The following DENND5B variants were observed in gnomAD, a reference collection of about 807,000 sequenced individuals.
DENND5B encodes the protein DENN domain containing 5B.
In DENND5B, 34 loss-of-function variants were observed where a neutral mutation model predicts 140.6. The observed-to-expected ratio is 0.24, with a 90% CI of 0.18 to 0.32. The LOEUF is 0.32. DENND5B is among the 10% of genes least tolerant of loss of function. The probability of loss-of-function intolerance (pLI) is 1.00; values close to 1 mark genes in which losing one functional copy is unlikely to be tolerated. For missense variants in DENND5B, 1,142 were observed against 1,560.2 expected, an observed-to-expected ratio of 0.73 and a Z score of 4.52; for synonymous variants, 551 against 562.1, an observed-to-expected ratio of 0.98 and a Z score of 0.28.
chr12:31,383,989 T>A lies in DENND5B; in HGVS notation c.*3614A>T, dbSNP rs1000694369. The A allele has an allele frequency of 3.9e-5, 6 of 152,220 alleles. No homozygotes were observed. The highest frequency in any genetic ancestry group is 1.3e-4 in the Admixed American group (2 of 15,268). 9.4% of individuals were successfully genotyped at this position (152,220 alleles called of 1,614,324 possible). A position where few individuals can be genotyped will look rare whatever the true frequency, so the allele number is the denominator to read the frequency against. ...AAAACAAATTAAATATTGATTTTTT[T>A]ATTTACTTTGAGATGTAATCCTAAA... On this transcript the variant is annotated 3_prime_UTR_variant, in exon 21 of 21. Transcript: ENST00000389082.
chr12:31,549,035 A>G (rs1190759824), intron 1 of DENND5B, among the ~76,000 whole-genome samples: 1 of 152,130 alleles, frequency 6.6e-6, no homozygotes, highest in East Asian at 1.9e-4. Context: ...AGCTCGGGGT[A>G]CAGGCACCTG....
intron 7 of DENND5B, among the ~76,000 whole-genome samples, chr12:31,439,704 C>A (rs569063282): frequency 6.6e-6 from 1 of 151,802 alleles, no homozygotes; most frequent in Non-Finnish European, 1.5e-5. Context: ...CCGAGGTGGG[C>A]GGATAACCTG....
At chr12:31,532,964 A>T (rs1377248618) in intron 1 of DENND5B, among the ~76,000 whole-genome samples, 1 of 152,184 alleles carries the variant, frequency 6.6e-6, no homozygotes, top group African/African-American at 2.4e-5. Flanking sequence ...AACAAGTCAC[A>T]ATTTGTAGGC....
At chr12:31,545,780 C>A (rs1948833412) in intron 1 of DENND5B, among the ~76,000 whole-genome samples, 1 of 151,510 alleles carries the variant, frequency 6.6e-6, no homozygotes, top group South Asian at 2.1e-4. Context: ...ACAGTGAAAC[C>A]CATGTCTACA....
chr12:31,424,084 A>T (rs945725047), intron 10 of DENND5B, among the ~76,000 whole-genome samples: 1 of 152,204 alleles, frequency 6.6e-6, no homozygotes, highest in African/African-American at 2.4e-5. Flanking sequence ...TGGCGATAAG[A>T]GAAAAAAATC....
At chr12:31,563,764 A>G (rs1949547190) in intron 1 of DENND5B, among the ~76,000 whole-genome samples, 1 of 152,230 alleles carries the variant, frequency 6.6e-6, no homozygotes, top group African/African-American at 2.4e-5. Context: ...GCCTTTTGCA[A>G]ATAAAAAAAT....
At chr12:31,463,502 AGAT>A (rs1945116461) in intron 3 of DENND5B, among the ~76,000 whole-genome samples, 1 of 152,224 alleles carries the variant, frequency 6.6e-6, no homozygotes. Flanking sequence ...TTGAACGAAT[AGAT>A]GATGATGGGA....
chr12:31,563,593 A>G (rs1949543752), intron 1 of DENND5B, among the ~76,000 whole-genome samples: 2 of 152,324 alleles, frequency 1.3e-5, no homozygotes, highest in Middle Eastern at 6.8e-3. Flanking sequence ...AGTTTGTAAG[A>G]CCAATTTTCA....
intron 6 of DENND5B, 70 bp from the exon 7 acceptor site, chr12:31,442,995 C>T (rs1944105908): frequency 2.1e-6 from 3 of 1,400,014 alleles, no homozygotes; most frequent in Non-Finnish European, 2.9e-6. Context: ...GCTTCCTCCA[C>T]TCATGCACCT....
intron 1 of DENND5B, among the ~76,000 whole-genome samples, chr12:31,581,916 G>A (rs565316654): frequency 1.1e-3 from 173 of 152,164 alleles, no homozygotes; most frequent in African/African-American, 4.0e-3. Context: ...ACATTCTCCC[G>A]TACACTTTAA....
chr12:31,487,325 T>G (rs1219349334), intron 2 of DENND5B, among the ~76,000 whole-genome samples: 2 of 152,204 alleles, frequency 1.3e-5, no homozygotes, highest in Non-Finnish European at 2.9e-5. Flanking sequence ...TATGGCAGAA[T>G]CTTTTAATAA....
intron 1 of DENND5B, among the ~76,000 whole-genome samples, chr12:31,522,167 T>G (rs1947918545): frequency 6.6e-6 from 1 of 152,200 alleles, no homozygotes; most frequent in African/African-American, 2.4e-5. Context: ...ACATTCTCAG[T>G]GAAAATTTCC....
intron 1 of DENND5B, among the ~76,000 whole-genome samples, chr12:31,510,041 GCAGTT>G (rs1947350873): frequency 6.6e-6 from 1 of 152,152 alleles, no homozygotes; most frequent in South Asian, 2.1e-4. Flanking sequence ...CAAATGACGT[GCAGTT>G]CCCTTTTAAG....
At chr12:31,522,628 G>A (rs998654913) in intron 1 of DENND5B, among the ~76,000 whole-genome samples, 4 of 152,004 alleles carry the variant, frequency 2.6e-5, no homozygotes, top group Non-Finnish European at 2.9e-5. Context: ...ATTTTTTGTC[G>A]AGATGAGGTT....
chr12:31,507,570 A>G (rs180779257), intron 1 of DENND5B, among the ~76,000 whole-genome samples: 2 of 152,208 alleles, frequency 1.3e-5, no homozygotes, highest in African/African-American at 4.8e-5. Context: ...AGGAATAAAC[A>G]AAGTTTTTGA....
At chr12:31,413,329 C>A (rs1345453865) in intron 13 of DENND5B, 107 bp downstream of exon 13, 2 of 1,336,872 alleles carry the variant, frequency 1.5e-6, no homozygotes, top group South Asian at 1.6e-5. Flanking sequence ...TGCATGTGCA[C>A]AGGATACAGC....
chr12:31,581,641 C>G (rs1950211304), intron 1 of DENND5B, among the ~76,000 whole-genome samples: 1 of 143,472 alleles, frequency 7.0e-6, no homozygotes, highest in South Asian at 2.2e-4. Context: ...TGCGGTGAGC[C>G]GAGATCACAC....
chr12:31,449,295 T>G (rs1038158809), intron 5 of DENND5B, among the ~76,000 whole-genome samples: 3 of 152,228 alleles, frequency 2.0e-5, no homozygotes, highest in Admixed American at 2.0e-4. Flanking sequence ...ATCCACTTAT[T>G]CACTTTAAGT....
rs1406133307 is a variant in DENND5B, at chr12:31,516,890, G to C, written c.128-20971C>G. Reference sequence around the variant, plus strand: ...GGATGTTGAGGCTGCAGTGAGCCCTGATCGTGCCACTGCACTCCAGCCTGG... The same window carrying C: ...GGATGTTGAGGCTGCAGTGAGCCCTCATCGTGCCACTGCACTCCAGCCTGG... On this transcript the variant is annotated intron_variant, in intron 1 of 20. Transcript: ENST00000389082. Among the ~76,000 whole-genome samples, 4 of 152,012 alleles carry C rather than the reference G, an allele frequency of 2.6e-5. No homozygotes were observed. In the South Asian group the frequency reaches 8.3e-4, roughly 31 times the overall value.
Sources: allele counts gnomAD v4.1 joint callset (sites outside exome capture counted in the v4.1 genomes callset), GRCh38; gene constraint gnomAD v4.1.1; transcripts MANE v1.5; gene names NCBI Gene and HGNC (gene_info 2026-07-23, HGNC 2026-07-21).